The following DOCK7 variants were observed in gnomAD, a reference collection of about 807,000 sequenced individuals.
DOCK7 encodes dedicator of cytokinesis protein 7.
Under a neutral mutation model 271.0 loss-of-function variants are expected in DOCK7, and 138 were observed. The observed-to-expected ratio is 0.51, with a 90% CI of 0.44 to 0.59. The LOEUF is 0.59. Among genes scored for constraint, DOCK7 ranks in the 20% least tolerant of loss-of-function variants. The pLI, the probability that DOCK7 is intolerant of heterozygous loss-of-function variation, is 0.00. For synonymous variants in DOCK7, 823 were observed against 876.1 expected, an observed-to-expected ratio of 0.94 and a Z score of 1.07; for missense variants, 2,066 against 2,592.4, an observed-to-expected ratio of 0.80 and a Z score of 4.41.
Position 62,659,645 on chromosome 1 carries a change from G to T in DOCK7, c.144+3380C>A, listed in dbSNP as rs114797617. Among the ~76,000 whole-genome samples the T allele has an allele frequency of 6.2e-3, 939 of 152,132 alleles. 13 individuals are homozygous for T. The highest frequency in any genetic ancestry group is 0.022 in the African/African-American group (901 of 41,520). ...ACTTTAAAATATGACCTAACAATGT[G>T]GTATCTACAAATAACTCACTTCAAA... On this transcript the variant is annotated intron_variant, in intron 2 of 49. Coordinates refer to ENST00000635253, the MANE Select transcript of DOCK7 (RefSeq NM_001367561.1).
intron 20 of DOCK7, among the ~76,000 whole-genome samples, chr1:62,558,446 G>A (rs191135066): frequency 5.3e-4 from 81 of 151,736 alleles, no homozygotes; most frequent in African/African-American, 1.8e-3. Context: ...GAAAGCTGTT[G>A]GTAAAAAAAT....
At chr1:62,480,915 A>C (rs1391705635) in intron 43 of DOCK7, among the ~76,000 whole-genome samples, 9 of 150,488 alleles carry the variant, frequency 6.0e-5, no homozygotes, top group African/African-American at 2.2e-4. Flanking sequence ...AGGCTGAGGC[A>C]CGAGAATGGC....
chr1:62,540,941 A>G (rs1645509930), intron 25 of DOCK7, among the ~76,000 whole-genome samples: 1 of 152,212 alleles, frequency 6.6e-6, no homozygotes, highest in South Asian at 2.1e-4. Flanking sequence ...ATTGTCACTT[A>G]TATATAGTCC....
intron 1 of DOCK7, 45 bp downstream of exon 1, chr1:62,688,182 C>G: frequency 7.4e-7 from 1 of 1,354,160 alleles, no homozygotes; most frequent in Non-Finnish European, 9.6e-7. Context: ...CTCCGCGGCT[C>G]TTTCTCGGGC....
chr1:62,662,981 A>G, intron 2 of DOCK7, 44 bp downstream of exon 2: 1 of 1,476,866 alleles, frequency 6.8e-7, no homozygotes, highest in South Asian at 1.2e-5. Context: ...TGGCCTAGTC[A>G]ATCATACACC....
intron 1 of DOCK7, among the ~76,000 whole-genome samples, chr1:62,669,149 T>A (rs1194541144): frequency 6.6e-6 from 1 of 152,158 alleles, no homozygotes; most frequent in East Asian, 1.9e-4. Flanking sequence ...TCTGCATACA[T>A]TCAAGGAAAA....
chr1:62,634,689 C>G (rs1014159613), intron 9 of DOCK7, 84 bp downstream of exon 9: 1 of 1,354,520 alleles, frequency 7.4e-7, no homozygotes, highest in Middle Eastern at 1.9e-4. Context: ...AAGGTCAAAT[C>G]TTTGCCCTTG....
At chr1:62,649,453 CAAT>C (rs1657070656) in intron 4 of DOCK7, among the ~76,000 whole-genome samples, 2 of 152,118 alleles carry the variant, frequency 1.3e-5, no homozygotes, top group South Asian at 4.1e-4. Context: ...TAAAGACACT[CAAT>C]ATAGTAACAT....
At chr1:62,594,505 G>C (rs1468238307) in intron 14 of DOCK7, among the ~76,000 whole-genome samples, 2 of 151,930 alleles carry the variant, frequency 1.3e-5, no homozygotes, top group African/African-American at 2.4e-5. Context: ...ACTACAGTAG[G>C]ATATAATATA....
intron 10 of DOCK7, among the ~76,000 whole-genome samples, chr1:62,632,564 G>A (rs10789119): frequency 0.33 from 50,849 of 152,138 alleles, 8,663 homozygotes; most frequent in South Asian, 0.42. Flanking sequence ...AGAAGTTCCA[G>A]TATTAAATCT....
At position 62,455,984 on chromosome 1, in the gene DOCK7, T is replaced by C. The variant is rs144729322; in HGVS notation, c.6381-528A>G. The stretch of plus-strand genomic sequence containing the variant: ...CCATTACATGTTACTATAAATAGCA[T>C]TGCTTATTAAAAATGATCTGCAAGA... On this transcript the variant is annotated intron_variant, in intron 49 of 49. Coordinates refer to ENST00000635253, the MANE Select transcript of DOCK7 (RefSeq NM_001367561.1). Among the ~76,000 whole-genome samples the C allele has an allele frequency of 2.3e-3, 357 of 152,308 alleles. 2 individuals are homozygous for C. The highest frequency in any genetic ancestry group is 7.6e-3 in the African/African-American group (316 of 41,572).
At position 62,539,979 on chromosome 1, in the gene DOCK7, T is replaced by C. The variant is rs1449784647; in HGVS notation, c.3046-87A>G. The C allele has an allele frequency of 7.9e-6, 7 of 887,404 alleles. No individual in the cohort carries two copies. In the East Asian group the frequency reaches 1.2e-4, roughly 15 times the overall value. 55.0% of individuals were successfully genotyped at this position (887,404 alleles called of 1,614,324 possible). A position where few individuals can be genotyped will look rare whatever the true frequency, so the allele number is the denominator to read the frequency against. ...AAACACTTGGACTATTTTTAAAATA[T>C]GGCATGTAATTTAATAGATGACTGA... On this transcript the variant is annotated intron_variant, in intron 25 of 49. Coordinates refer to ENST00000635253, the MANE Select transcript of DOCK7 (RefSeq NM_001367561.1).
At chr1:62,647,888 T>C (rs192642675) in intron 6 of DOCK7, 112 bp from the exon 7 acceptor site, 566 of 894,610 alleles carry the variant, frequency 6.3e-4, no homozygotes, top group Admixed American at 1.3e-3. Context: ...CAATAGAACA[T>C]AGAGAAGAAT....
Position 62,504,640 on chromosome 1 carries a change from T to TCAC in DOCK7, c.4753_4754insGTG (p.Phe1584_Glu1585insGly). On this transcript the variant is annotated inframe_insertion, in exon 37 of 50. Transcript: ENST00000635253. ...TGATAAAATACTTACATTCCCAATC[T>TCAC]CAAAGTTTTGCCTCATTAGTAGGTA... is the stretch of plus-strand genomic sequence containing the variant. 6.2e-7 allele frequency: 1 copy of TCAC among 1,610,384 alleles called. No individual in the cohort carries two copies. Among genetic ancestry groups the TCAC allele is most frequent in the Non-Finnish European group, 8.5e-7 (1 of 1,179,014 alleles).
chr1:62,603,918 T>C (rs1333123458), intron 14 of DOCK7: 3 of 1,575,228 alleles, frequency 1.9e-6, no homozygotes, highest in Non-Finnish European at 2.6e-6. Flanking sequence ...AAACTGTCAG[T>C]GTCCAACCTG....
At position 62,625,212 on chromosome 1, in the gene DOCK7, T is replaced by C. The variant is rs781230328; in HGVS notation, c.1425+47A>G. 9 of 1,599,514 alleles carry C rather than the reference T, an allele frequency of 5.6e-6. No homozygotes were observed. In the South Asian group the frequency reaches 7.9e-5, roughly 14 times the overall value. On this transcript the variant is annotated intron_variant, in intron 12 of 49. Transcript: ENST00000635253. ...CACTACCTTTCTGAAATTAAAAAAA[T>C]TTATGCACAAACATCTCCCCAAAAT...
At chr1:62,664,663 A>C (rs1168105) in intron 1 of DOCK7, among the ~76,000 whole-genome samples, 5 of 152,256 alleles carry the variant, frequency 3.3e-5, no homozygotes, top group Non-Finnish European at 7.3e-5. Flanking sequence ...ACCATACTAA[A>C]GCAAGATGCT....
At chr1:62,588,923 G>A (rs1267331792) in intron 14 of DOCK7, among the ~76,000 whole-genome samples, 2 of 151,826 alleles carry the variant, frequency 1.3e-5, no homozygotes, top group Non-Finnish European at 2.9e-5. Context: ...CTATTTTTTT[G>A]TAGAGATGGA....
intron 41 of DOCK7, among the ~76,000 whole-genome samples, chr1:62,489,277 G>A (rs1007656707): frequency 3.3e-5 from 5 of 152,036 alleles, no homozygotes; most frequent in African/African-American, 9.7e-5. Context: ...GTGAAACCCC[G>A]TCTCTACTAA....
Sources: allele counts gnomAD v4.1 joint callset (sites outside exome capture counted in the v4.1 genomes callset), GRCh38; gene constraint gnomAD v4.1.1; transcripts MANE v1.5; gene names NCBI Gene and HGNC (gene_info 2026-07-23, HGNC 2026-07-21).